SGSM2: variants seen among roughly 807,000 people sequenced by gnomAD.
The protein encoded by SGSM2 is small G protein signaling modulator 2.
SGSM2 carries 89 observed loss-of-function variants against 126.6 expected under a neutral mutation model. That is an observed-to-expected ratio of 0.70 (90% CI 0.59 to 0.84). The LOEUF is 0.84. Ranked by LOEUF, SGSM2 falls within the 40% of genes least tolerant of loss-of-function variation. SGSM2 has a pLI of 0.00. For missense variants in SGSM2, 1,404 were observed against 1,416.6 expected (o/e 0.99, Z 0.14); for synonymous variants, 614 against 574.3 (o/e 1.07, Z -0.99).
chr17:2,349,720 G>GT (rs1357419747), intron 2 of SGSM2, among the ~76,000 whole-genome samples: 1 of 152,022 alleles, frequency 6.6e-6, no homozygotes, highest in Non-Finnish European at 1.5e-5. Flanking sequence ...TGGGTAATGA[G>GT]TACATGGGCA....
chr17:2,338,697 T>C (rs1207814744), intron 1 of SGSM2, among the ~76,000 whole-genome samples: 3 of 151,240 alleles, frequency 2.0e-5, no homozygotes. Context: ...CTTCGAGGCC[T>C]GGTGTTTGGA....
chr17:2,375,492 G>A lies in SGSM2; in HGVS notation c.2101G>A (p.Val701Met). The A allele has an allele frequency of 1.2e-6, 2 of 1,605,950 alleles. No homozygotes were observed. Among genetic ancestry groups the A allele is most frequent in the East Asian group, 2.2e-5 (1 of 44,770 alleles). Residue 701 changes from valine (V) to methionine (M), a missense_variant and splice_region_variant, in exon 18 of 24, where the codon GTG becomes ATG. Transcript: ENST00000268989. ...GAGCCGCCCTGTGTTCACCCCCCAG[G>A]TGTTTATCTCAGTGGATGATCTGGA... The part of the protein sequence containing the change: ...IHRDSTISND[V>M]FISVDDLEPP...
At chr17:2,357,291 G>C (rs1394129135) in intron 2 of SGSM2, among the ~76,000 whole-genome samples, 1 of 152,050 alleles carries the variant, frequency 6.6e-6, no homozygotes, top group Non-Finnish European at 1.5e-5. Context: ...AGCAGGATGG[G>C]ATGGGCTGAC....
chr17:2,370,581 G>A (rs1204253354), intron 12 of SGSM2, among the ~76,000 whole-genome samples: 1 of 151,086 alleles, frequency 6.6e-6, no homozygotes, highest in Non-Finnish European at 1.5e-5. Context: ...TGGTGTTTTC[G>A]GGAGGCCACC....
chr17:2,375,785 G>A lies in SGSM2; in HGVS notation c.2394G>A (p.Arg798=), dbSNP rs747693277. 41 of 1,581,680 alleles carry A rather than the reference G, an allele frequency of 2.6e-5. No individual in the cohort carries two copies. The South Asian group carries it at 4.7e-4, about 18-fold the overall frequency. ...CCGGCCCTGCAGCTCACACTTTGAG[G>A]GAGCCCCAGGATCCCAGCCAGGAGA... ...SGPGPAAHTL[R]EPQDPSQEKP... is the part of the protein sequence containing the mutation. Residue 798 remains arginine (R), a synonymous_variant, in exon 18 of 24, where the codon AGG becomes AGA. Coordinates refer to ENST00000268989, the MANE Select transcript of SGSM2 (RefSeq NM_014853.3).
intron 2 of SGSM2, among the ~76,000 whole-genome samples, chr17:2,347,701 G>A (rs913590622): frequency 6.7e-6 from 1 of 149,960 alleles, no homozygotes; most frequent in Non-Finnish European, 1.5e-5. Context: ...TCTCAAACTC[G>A]TGGGCTCCAG....
In SGSM2 at chr17:2,352,672, A is replaced by G. The variant is rs188375660; in HGVS notation, c.134-8965A>G. Among the ~76,000 whole-genome samples the G allele has an allele frequency of 5.9e-4, 89 of 151,986 alleles. 2 individuals are homozygous for G. In the Middle Eastern group the frequency reaches 0.014, roughly 24 times the overall value. ...GCTTTCAACGTAGATATATATGCACATGAGAGCCAAGGCAGAATGCAGGTG... is the reference window on the plus strand; with the variant it reads ...GCTTTCAACGTAGATATATATGCACGTGAGAGCCAAGGCAGAATGCAGGTG... On this transcript the variant is annotated intron_variant, in intron 2 of 23. Transcript: ENST00000268989.
At chr17:2,349,902 C>T (rs549675591) in intron 2 of SGSM2, among the ~76,000 whole-genome samples, 1 of 152,162 alleles carries the variant, frequency 6.6e-6, no homozygotes, top group African/African-American at 2.4e-5. Flanking sequence ...ATTCTCCTGC[C>T]TCAGCCTCCC....
rs370673706 is a variant in SGSM2, at chr17:2,362,881, G to A, written c.502G>A (p.Gly168Ser). 3.1e-6 allele frequency: 5 copies of A among 1,614,084 alleles called. No homozygotes were observed. The highest frequency in any genetic ancestry group is 1.6e-4 in the Middle Eastern group (1 of 6,072). The change falls in exon 5 of 24, where the codon GGC (glycine) becomes AGC (serine). Residue 168 changes from glycine to serine, a missense_variant. Transcript: ENST00000268989. This position sits in a 1 kb window ranked among gnomAD's most constrained non-coding sequence, Gnocchi z 4.9. Reference sequence around the variant, plus strand: ...GGCACTGCTGGCAGACCCTGTGTTCGGCCCGATCCTGGCCTCTCTTCTAGG... The same window carrying A: ...GGCACTGCTGGCAGACCCTGTGTTCAGCCCGATCCTGGCCTCTCTTCTAGG... The part of the protein sequence containing the change: ...KEALLADPVF[G>S]PILASLLVGP...
chr17:2,380,684 C>A lies in SGSM2; in HGVS notation c.*1164C>A. On this transcript the variant is annotated 3_prime_UTR_variant, in exon 24 of 24. Transcript: ENST00000268989. ...CCCCACTTCCTCCTCTACCCCAACACATGCAGGCTAGGCCTTGCCCTGGAA... is the reference window on the plus strand; with the variant it reads ...CCCCACTTCCTCCTCTACCCCAACAAATGCAGGCTAGGCCTTGCCCTGGAA... The A allele has an allele frequency of 3.1e-6, 1 of 325,490 alleles. No individual in the cohort carries two copies. The highest frequency in any genetic ancestry group is 2.9e-5 in the South Asian group (1 of 34,054). The allele number at this position is 325,490 out of a possible 1,614,324, so 20.2% of individuals were successfully genotyped here.
rs1234699236 is a variant in SGSM2, at chr17:2,380,553, G to A, written c.*1033G>A. On this transcript the variant is annotated 3_prime_UTR_variant, in exon 24 of 24. Coordinates refer to ENST00000268989, the MANE Select transcript of SGSM2 (RefSeq NM_014853.3). ...TTCCACATGCTTCTCAGGATGCCAA[G>A]AGGCCTAGGAACCCAGAAACCCCCT... 1.8e-6 allele frequency: 1 copy of A among 566,778 alleles called. No homozygotes were observed. Among genetic ancestry groups the A allele is most frequent in the African/African-American group, 1.9e-5 (1 of 53,066 alleles). The allele number at this position is 566,778 out of a possible 1,614,324, so 35.1% of individuals were successfully genotyped here.
intron 1 of SGSM2, among the ~76,000 whole-genome samples, chr17:2,340,969 A>G (rs1387248917): frequency 2.0e-5 from 3 of 152,166 alleles, no homozygotes; most frequent in Non-Finnish European, 4.4e-5. Flanking sequence ...GCCTTTCACA[A>G]AGGACCACTG....
Position 2,365,340 on chromosome 17 carries a change from C to G in SGSM2, c.1287C>G (p.His429Gln). ...RIIYPGHRHE[H>Q]ITINYHHLAA... The stretch of plus-strand genomic sequence containing the variant: ...TCTACCCCGGCCACAGGCACGAGCA[C>G]AGTGAGTGTCCCGAGCTTCATCCCG... The change falls in exon 11 of 24, where the codon CAC (histidine) becomes CAG (glutamine). Residue 429 changes from histidine to glutamine, a missense_variant and splice_region_variant. His to Gln is a conservative substitution (Grantham distance 24, BLOSUM62 0). Transcript: ENST00000268989. 8 of 1,549,186 alleles carry G rather than the reference C, an allele frequency of 5.2e-6. No individual in the cohort carries two copies. Among genetic ancestry groups the G allele is most frequent in the Non-Finnish European group, 7.0e-6 (8 of 1,143,770 alleles).
At position 2,362,629 on chromosome 17, in the gene SGSM2, G is replaced by T. The variant is rs533128399; in HGVS notation, c.459-209G>T. 6.6e-5 allele frequency among the ~76,000 whole-genome samples: 10 copies of T among 152,320 alleles called. No homozygotes were observed. The highest frequency in any genetic ancestry group is 2.4e-4 in the African/African-American group (10 of 41,568). On this transcript the variant is annotated intron_variant, in intron 4 of 23. Transcript: ENST00000268989. The surrounding 1 kb of genome is among the most constrained non-coding windows in gnomAD (Gnocchi z 4.9). ...GATGCTTGCCTGTCCGTGACAGCCT[G>T]TAGGCAACCCTCCATCTCCCCGTCC...
chr17:2,372,859 C>A lies in SGSM2; in HGVS notation c.1789-94C>A. ...CTGGGCTTCAGCAGTCACTACAGGCCCCGCCCCAGCCCATTCTCCGTGGGA... is the reference window on the plus strand; with the variant it reads ...CTGGGCTTCAGCAGTCACTACAGGCACCGCCCCAGCCCATTCTCCGTGGGA... On this transcript the variant is annotated intron_variant, in intron 15 of 23. Coordinates refer to ENST00000268989, the MANE Select transcript of SGSM2 (RefSeq NM_014853.3). This position sits in a 1 kb window ranked among gnomAD's most constrained non-coding sequence, Gnocchi z 6.0. The A allele has an allele frequency of 6.7e-7, 1 of 1,488,372 alleles. No individual in the cohort carries two copies. The highest frequency in any genetic ancestry group is 2.1e-5 in the Admixed American group (1 of 46,968). 92.2% of individuals were successfully genotyped at this position (1,488,372 alleles called of 1,614,324 possible).
Position 2,373,065 on chromosome 17 carries a change from A to G in SGSM2, c.1901A>G (p.Lys634Arg). 1 of 1,610,120 alleles carries G rather than the reference A, an allele frequency of 6.2e-7. No homozygotes were observed. Among genetic ancestry groups the G allele is most frequent in the Non-Finnish European group, 8.5e-7 (1 of 1,179,004 alleles). The change falls in exon 16 of 24, where the codon AAG becomes AGG. Residue 634 changes from lysine to arginine, a missense_variant. Lys to Arg is a conservative substitution (Grantham distance 26, BLOSUM62 2). Transcript: ENST00000268989. ...GGCCACTACAAGTTCGGCATGAGCA[A>G]GAAGGAGATGGAGCAGGTGAGGGGA... ...LLGHYKFGMS[K>R]KEMEQVDAVV... is the part of the protein sequence containing the mutation.
At chr17:2,373,757 A>G in intron 17 of SGSM2, 1 of 502,076 alleles carries the variant, frequency 2.0e-6, no homozygotes, top group Non-Finnish European at 3.5e-6. Flanking sequence ...AACTATAGGG[A>G]AAGATGGACT....
chr17:2,363,347 C>A lies in SGSM2; in HGVS notation c.673-118C>A, dbSNP rs1053349714. 4.7e-6 allele frequency: 7 copies of A among 1,496,626 alleles called. No individual in the cohort carries two copies. Among genetic ancestry groups the A allele is most frequent in the Non-Finnish European group, 1.8e-6 (2 of 1,111,132 alleles). The allele number at this position is 1,496,626 out of a possible 1,614,324, so 92.7% of individuals were successfully genotyped here. ...AGAGCAGAGGGTGGCTGGGAGTAAA[C>A]CGGGGCAGGAAGGACCCCTGGGGTC... On this transcript the variant is annotated intron_variant, in intron 6 of 23. Coordinates refer to ENST00000268989, the MANE Select transcript of SGSM2 (RefSeq NM_014853.3). The surrounding 1 kb of genome is among the most constrained non-coding windows in gnomAD (Gnocchi z 4.2).
In SGSM2 at chr17:2,376,832, C is replaced by G; in HGVS notation, c.2692+17C>G. ...TCGACAATGGTGAGGGATGGCGGGACATGGGACTGGGCTGCGTAAGCTGGA... is the reference window on the plus strand; with the variant it reads ...TCGACAATGGTGAGGGATGGCGGGAGATGGGACTGGGCTGCGTAAGCTGGA... On this transcript the variant is annotated intron_variant, in intron 20 of 23. Transcript: ENST00000268989. 6.2e-7 allele frequency: 1 copy of G among 1,613,876 alleles called. No homozygotes were observed. The highest frequency in any genetic ancestry group is 1.3e-5 in the African/African-American group (1 of 75,060).
Sources: gnomAD v4.1 joint callset for allele counts (sites outside exome capture counted in the v4.1 genomes callset) on GRCh38, gnomAD v4.1.1 for gene constraint, Gnocchi (gnomAD v3.1) non-coding constraint, MANE v1.5 for transcripts, NCBI Gene and HGNC (gene_info 2026-07-23, HGNC 2026-07-21) for gene names.